The following CNTNAP4 variants were observed in gnomAD, a reference collection of about 807,000 sequenced individuals.
CNTNAP4 encodes contactin associated protein family member 4, also known as contactin-associated protein-like 4.
In CNTNAP4, 98 loss-of-function variants were observed where a neutral mutation model predicts 148.4. The ratio of observed to expected loss-of-function variants is 0.66; its 90% CI spans 0.56 to 0.78. The LOEUF is 0.78. Among genes scored for constraint, CNTNAP4 ranks in the 30% least tolerant of loss-of-function variants. The pLI is 0.00. For synonymous variants in CNTNAP4, 730 were observed against 565.1 expected (o/e 1.29, Z -4.14); for missense variants, 1,935 against 1,565.6 (o/e 1.24, Z -3.98).
intron 3 of CNTNAP4, among the ~76,000 whole-genome samples, chr16:76,382,959 A>G (rs557033904): frequency 1.3e-5 from 2 of 152,340 alleles, no homozygotes; most frequent in South Asian, 4.1e-4. Flanking sequence ...AAACATCAAT[A>G]ATACCAGAAA....
intron 4 of CNTNAP4, among the ~76,000 whole-genome samples, chr16:76,440,168 TA>T (rs1357029460): frequency 5.9e-5 from 9 of 152,168 alleles, no homozygotes; most frequent in African/African-American, 1.9e-4. Flanking sequence ...AATAGCTATA[TA>T]TTTTTTTTCT....
intron 14 of CNTNAP4, among the ~76,000 whole-genome samples, chr16:76,496,947 A>G (rs77887498): frequency 0.033 from 4,980 of 152,276 alleles, 268 homozygotes; most frequent in African/African-American, 0.11. Context: ...CAATGTGTAA[A>G]CAAAGGGTAT....
intron 15 of CNTNAP4, among the ~76,000 whole-genome samples, chr16:76,510,810 C>G (rs953332255): frequency 1.3e-5 from 2 of 152,086 alleles, no homozygotes; most frequent in Non-Finnish European, 2.9e-5. Flanking sequence ...CAGAAGTAAA[C>G]TAGACTGGAT....
chr16:76,439,731 G>C (rs1166909366), intron 4 of CNTNAP4, among the ~76,000 whole-genome samples: 1 of 152,098 alleles, frequency 6.6e-6, no homozygotes, highest in Non-Finnish European at 1.5e-5. Flanking sequence ...CCTTTTCCCT[G>C]TGGTTATATA....
chr16:76,393,244 A>G (rs1270598753), intron 3 of CNTNAP4, among the ~76,000 whole-genome samples: 3 of 152,166 alleles, frequency 2.0e-5, no homozygotes, highest in African/African-American at 7.2e-5. Flanking sequence ...GCTCCGGCCT[A>G]TGTCCTATAT....
At chr16:76,390,288 C>G (rs930330328) in intron 3 of CNTNAP4, among the ~76,000 whole-genome samples, 4 of 152,134 alleles carry the variant, frequency 2.6e-5, no homozygotes, top group African/African-American at 9.7e-5. Context: ...AGTAACTTAT[C>G]TATTGTAACT....
At chr16:76,375,766 C>A (rs948270677) in intron 3 of CNTNAP4, among the ~76,000 whole-genome samples, 4 of 152,164 alleles carry the variant, frequency 2.6e-5, no homozygotes, top group African/African-American at 9.7e-5. Flanking sequence ...TAGTGAGCCT[C>A]CTTCTGTTGT....
intron 1 of CNTNAP4, among the ~76,000 whole-genome samples, chr16:76,306,060 C>G (rs1468265951): frequency 6.6e-6 from 1 of 152,184 alleles, no homozygotes; most frequent in Non-Finnish European, 1.5e-5. Flanking sequence ...CAGTCCACCA[C>G]TGGTGGGCAC....
At chr16:76,524,174 A>G (rs1181727770) in intron 17 of CNTNAP4, among the ~76,000 whole-genome samples, 1 of 152,232 alleles carries the variant, frequency 6.6e-6, no homozygotes, top group African/African-American at 2.4e-5. Context: ...TTTAATGAAT[A>G]GCTTCTATGA....
chr16:76,277,693 A>T lies in CNTNAP4; in HGVS notation c.31A>T (p.Thr11Ser), dbSNP rs1855463023. 6.2e-7 allele frequency: 1 copy of T among 1,606,230 alleles called. No homozygotes were observed. Among genetic ancestry groups the T allele is most frequent in the Non-Finnish European group, 8.5e-7 (1 of 1,176,078 alleles). Residue 11 changes from threonine to serine, a missense_variant, in exon 1 of 24, where the codon ACG becomes TCG. Transcript: ENST00000611870. Reference sequence around the variant, plus strand: ...ATCTGTCACGGGAGCTGTCCTCAAGACGCTACTTCTGTTATCTACTCAAAA... The same window carrying T: ...ATCTGTCACGGGAGCTGTCCTCAAGTCGCTACTTCTGTTATCTACTCAAAA... MGSVTGAVLKTLLLLSTQNWN... is the reference protein window; with the variant it reads MGSVTGAVLKSLLLLSTQNWN...
At chr16:76,447,662 A>C (rs922070954) in intron 4 of CNTNAP4, among the ~76,000 whole-genome samples, 1 of 152,194 alleles carries the variant, frequency 6.6e-6, no homozygotes, top group African/African-American at 2.4e-5. Context: ...CTTTCAGTGC[A>C]GTATTCAATA....
At chr16:76,548,503 C>T (rs903564319) in intron 21 of CNTNAP4, among the ~76,000 whole-genome samples, 22 of 151,808 alleles carry the variant, frequency 1.4e-4, no homozygotes, top group Non-Finnish European at 2.2e-4. Flanking sequence ...TTCAAAAAAA[C>T]AGTCGTTTCT....
At chr16:76,522,718 T>C (rs868586454) in intron 17 of CNTNAP4, among the ~76,000 whole-genome samples, 7,448 of 57,634 alleles carry the variant, frequency 0.13, 1,319 homozygotes, top group Admixed American at 0.18. Context: ...TTTCTTTTCT[T>C]TTCTTTTCTT....
intron 4 of CNTNAP4, among the ~76,000 whole-genome samples, chr16:76,443,119 A>C (rs2080107297): frequency 1.3e-5 from 2 of 152,134 alleles, no homozygotes; most frequent in Non-Finnish European, 2.9e-5. Flanking sequence ...CATTTAAAAT[A>C]TAGAATGTAA....
chr16:76,525,433 A>G (rs182639195), intron 17 of CNTNAP4, among the ~76,000 whole-genome samples: 2 of 150,214 alleles, frequency 1.3e-5, no homozygotes, highest in Admixed American at 6.7e-5. Context: ...TCTAGAAAAA[A>G]ATCTATATAG....
intron 4 of CNTNAP4, among the ~76,000 whole-genome samples, chr16:76,434,284 G>A (rs1428805570): frequency 1.3e-5 from 2 of 152,148 alleles, no homozygotes; most frequent in Non-Finnish European, 2.9e-5. Context: ...CACAAAGCTG[G>A]AGAGTTTGAT....
intron 15 of CNTNAP4, among the ~76,000 whole-genome samples, chr16:76,501,846 G>A (rs373247819): frequency 6.6e-6 from 1 of 152,084 alleles, no homozygotes. Context: ...CGAGGCGGGC[G>A]GATCACGAGG....
At chr16:76,354,524 T>A (rs2012309397) in intron 2 of CNTNAP4, among the ~76,000 whole-genome samples, 1 of 152,166 alleles carries the variant, frequency 6.6e-6, no homozygotes, top group Non-Finnish European at 1.5e-5. Flanking sequence ...GAAACAGTGG[T>A]GTGTTGGTAA....
chr16:76,295,289 T>C (rs925600273), intron 1 of CNTNAP4, among the ~76,000 whole-genome samples: 1 of 152,152 alleles, frequency 6.6e-6, no homozygotes, highest in African/African-American at 2.4e-5. Flanking sequence ...TGCACCACAG[T>C]AGTGCAGAAG....
Sources: allele counts gnomAD v4.1 joint callset (sites outside exome capture counted in the v4.1 genomes callset), GRCh38; gene constraint gnomAD v4.1.1; transcripts MANE v1.5; gene names NCBI Gene and HGNC (gene_info 2026-07-23, HGNC 2026-07-21).